The following NTRK3 variants were observed in gnomAD, a reference collection of about 807,000 sequenced individuals.
NTRK3 encodes NT-3 growth factor receptor.
Under a neutral mutation model 91.7 loss-of-function variants are expected in NTRK3, and 24 were observed. The observed-to-expected ratio is 0.26, with a 90% CI of 0.19 to 0.37. The LOEUF is 0.37. Among genes scored for constraint, NTRK3 ranks in the 10% least tolerant of loss-of-function variants. The pLI is 1.00. For missense variants in NTRK3, 880 were observed against 1,068.9 expected (o/e 0.82, Z 2.46); for synonymous variants, 483 against 404.0 (o/e 1.20, Z -2.34).
At chr15:87,983,919 C>G (rs2074509641) in intron 14 of NTRK3, among the ~76,000 whole-genome samples, 1 of 152,102 alleles carries the variant, frequency 6.6e-6, no homozygotes, top group Admixed American at 6.5e-5. Context: ...CATTCCCTCC[C>G]CTGGCCAACC....
intron 3 of NTRK3, among the ~76,000 whole-genome samples, chr15:88,223,930 C>T (rs1477765490): frequency 2.0e-5 from 3 of 152,158 alleles, no homozygotes; most frequent in Non-Finnish European, 4.4e-5. Context: ...AAGATGAGGG[C>T]AGTGAGATGG....
At chr15:88,087,541 A>G (rs769114258) in intron 13 of NTRK3, among the ~76,000 whole-genome samples, 10 of 152,130 alleles carry the variant, frequency 6.6e-5, no homozygotes, top group Non-Finnish European at 1.2e-4. Context: ...CAGGAACATT[A>G]CCTGTGAGAA....
chr15:87,880,415 G>C (rs2141469172), exon 18 of NTRK3: 3 of 1,614,146 alleles, frequency 1.9e-6, no homozygotes, highest in Non-Finnish European at 8.5e-7. Flanking sequence ...GGGGAGCATG[G>C]TGTGTCCTCC....
At chr15:88,238,156 C>A (rs371229781) in intron 3 of NTRK3, among the ~76,000 whole-genome samples, 1 of 152,142 alleles carries the variant, frequency 6.6e-6, no homozygotes, top group East Asian at 1.9e-4. Context: ...ACCAACCCTG[C>A]CAACACCTTC....
At chr15:88,078,940 G>A (rs1325487581) in intron 13 of NTRK3, among the ~76,000 whole-genome samples, 3 of 152,226 alleles carry the variant, frequency 2.0e-5, no homozygotes, top group Non-Finnish European at 4.4e-5. Context: ...CGCTGCATGC[G>A]ATGGGGCACC....
At chr15:88,187,755 G>GA (rs912599485) in intron 3 of NTRK3, among the ~76,000 whole-genome samples, 2 of 151,962 alleles carry the variant, frequency 1.3e-5, no homozygotes, top group African/African-American at 4.8e-5. Context: ...CCAACATGGG[G>GA]AAACCCTGTC....
At chr15:88,200,789 C>T (rs2048235833) in intron 3 of NTRK3, among the ~76,000 whole-genome samples, 1 of 152,188 alleles carries the variant, frequency 6.6e-6, no homozygotes, top group Admixed American at 6.5e-5. Flanking sequence ...AATACAACCA[C>T]CAAGCTGCAG....
Position 88,240,381 on chromosome 15 carries a change from G to A in NTRK3, c.248+15525C>T, listed in dbSNP as rs961998895. ...CAGGCCAGCCCCATCCTGCCCTGAC[G>A]CAGGGGACATTCTGTGAGGATGTGG... is the stretch of plus-strand genomic sequence containing the variant. On this transcript the variant is annotated intron_variant, in intron 3 of 18. Coordinates refer to ENST00000394480, the Ensembl canonical transcript of NTRK3. The surrounding 1 kb of genome is among the most constrained non-coding windows in gnomAD (Gnocchi z 4.9). Among the ~76,000 whole-genome samples the A allele has an allele frequency of 1.7e-4, 26 of 152,256 alleles. No individual in the cohort carries two copies. The highest frequency in any genetic ancestry group is 5.5e-4 in the African/African-American group (23 of 41,538).
At chr15:87,951,719 C>T (rs894084666) in intron 14 of NTRK3, among the ~76,000 whole-genome samples, 4 of 152,172 alleles carry the variant, frequency 2.6e-5, no homozygotes, top group Non-Finnish European at 5.9e-5. Flanking sequence ...GGCTCAGACA[C>T]CAGAGAGAAG....
exon 19 of NTRK3, chr15:87,873,804 G>A (rs781435267): frequency 3.9e-5 from 9 of 231,644 alleles, no homozygotes; most frequent in East Asian, 2.4e-4. Flanking sequence ...GCTTACAGTC[G>A]TCTCAGACAC....
chr15:88,158,134 A>C (rs1464011117), intron 5 of NTRK3, among the ~76,000 whole-genome samples: 5 of 152,180 alleles, frequency 3.3e-5, no homozygotes, highest in Non-Finnish European at 7.3e-5. Flanking sequence ...GGGCATGTCC[A>C]CTTGAGCTGT....
chr15:87,891,555 A>G (rs1166146060), intron 17 of NTRK3, among the ~76,000 whole-genome samples: 1 of 151,980 alleles, frequency 6.6e-6, no homozygotes, highest in Non-Finnish European at 1.5e-5. Context: ...TTATCTTTCC[A>G]TTGTTTCTTA....
intron 14 of NTRK3, among the ~76,000 whole-genome samples, chr15:87,943,447 A>T (rs187813524): frequency 6.6e-5 from 10 of 152,206 alleles, no homozygotes. Context: ...AGTGCAGATC[A>T]TGCCTCTCTT....
At chr15:87,950,273 A>T (rs1286288102) in intron 14 of NTRK3, among the ~76,000 whole-genome samples, 1 of 152,242 alleles carries the variant, frequency 6.6e-6, no homozygotes, top group Non-Finnish European at 1.5e-5. Flanking sequence ...TGTGAGGACC[A>T]CAGGGTGAAC....
chr15:87,881,247 C>T (rs186191087), intron 17 of NTRK3, among the ~76,000 whole-genome samples: 5 of 152,300 alleles, frequency 3.3e-5, no homozygotes, highest in Non-Finnish European at 7.3e-5. Flanking sequence ...TGTGTGAAAA[C>T]TCAGGAACTA....
At position 87,941,472 on chromosome 15, in the gene NTRK3, T is replaced by TACACAC. The variant is rs10544243; in HGVS notation, c.1586-725_1586-720dup. On this transcript the variant is annotated intron_variant, in intron 14 of 18. Coordinates refer to ENST00000394480, the Ensembl canonical transcript of NTRK3. Reference sequence around the variant, plus strand: ...ACACGCATGCACACACACATACACATACACACACACACACACACACACACA... The same window carrying TACACAC: ...ACACGCATGCACACACACATACACATACACACACACACACACACACACACACACACA... Among the ~76,000 whole-genome samples the TACACAC allele has an allele frequency of 1.7e-3, 251 of 148,982 alleles. 2 individuals carry two copies. Among genetic ancestry groups the TACACAC allele is most frequent in the South Asian group, 0.015 (69 of 4,676 alleles).
At chr15:87,993,304 T>C (rs138140354) in intron 14 of NTRK3, among the ~76,000 whole-genome samples, 1 of 152,306 alleles carries the variant, frequency 6.6e-6, no homozygotes, top group African/African-American at 2.4e-5. Context: ...AAGCAGATTA[T>C]CTAAGATCAA....
intron 17 of NTRK3, among the ~76,000 whole-genome samples, chr15:87,923,799 T>C (rs2141860433): frequency 6.6e-6 from 1 of 152,260 alleles, no homozygotes; most frequent in South Asian, 2.1e-4. Context: ...CATGAATGGA[T>C]TAATGTTGTT....
At chr15:88,099,925 G>T (rs1474941922) in intron 13 of NTRK3, among the ~76,000 whole-genome samples, 2 of 152,174 alleles carry the variant, frequency 1.3e-5, no homozygotes, top group Non-Finnish European at 2.9e-5. Flanking sequence ...GGGGGACATG[G>T]AGTTGACAAG....
Sources: gnomAD v4.1 joint callset for allele counts (sites outside exome capture counted in the v4.1 genomes callset) on GRCh38, gnomAD v4.1.1 for gene constraint, Gnocchi (gnomAD v3.1) non-coding constraint, MANE v1.5 for transcripts, NCBI Gene and HGNC (gene_info 2026-07-23, HGNC 2026-07-21) for gene names.